Variants in DYNC1I1 observed in about 807,000 individuals in gnomAD.
The protein encoded by DYNC1I1 is dynein cytoplasmic 1 intermediate chain 1.
Under a neutral mutation model 86.6 loss-of-function variants are expected in DYNC1I1, and 43 were observed. That is an observed-to-expected ratio of 0.50 (90% CI 0.39 to 0.64). The LOEUF (loss-of-function observed/expected upper bound fraction) is 0.64. Among genes scored for constraint, DYNC1I1 ranks in the 30% least tolerant of loss-of-function variants. The pLI is 0.00. For missense variants in DYNC1I1, 604 were observed against 788.8 expected (o/e 0.77, Z 2.81); for synonymous variants, 262 against 283.7 (o/e 0.92, Z 0.77).
downstream of DYNC1I1, among the ~76,000 whole-genome samples, chr7:96,102,919 C>T (rs180799021): frequency 6.6e-6 from 1 of 152,228 alleles, no homozygotes; most frequent in Non-Finnish European, 1.5e-5. Context: ...ATCCATACAA[C>T]CAATTATAAG....
chr7:96,026,995 A>G (rs1794698524), intron 10 of DYNC1I1, among the ~76,000 whole-genome samples: 1 of 152,218 alleles, frequency 6.6e-6, no homozygotes, highest in South Asian at 2.1e-4. Context: ...GGCCAAAGGG[A>G]CACGTGGGGA....
chr7:95,979,026 C>T (rs1584220286), intron 7 of DYNC1I1, among the ~76,000 whole-genome samples: 1 of 152,180 alleles, frequency 6.6e-6, no homozygotes, highest in South Asian at 2.1e-4. Flanking sequence ...GAACTCCTGA[C>T]CTCGTGATCC....
chr7:95,901,989 A>G (rs576788570), intron 6 of DYNC1I1, among the ~76,000 whole-genome samples: 3 of 152,358 alleles, frequency 2.0e-5, no homozygotes, highest in East Asian at 3.8e-4. Context: ...GCCAGTGCAT[A>G]AAATGATCCA....
intron 10 of DYNC1I1, among the ~76,000 whole-genome samples, chr7:96,023,886 G>C (rs999772799): frequency 7.9e-5 from 12 of 152,294 alleles, no homozygotes; most frequent in African/African-American, 1.7e-4. Flanking sequence ...GAGATGGCTT[G>C]GTCTTCGAAA....
intron 14 of DYNC1I1, among the ~76,000 whole-genome samples, chr7:96,066,321 ACT>A (rs1789985703): frequency 6.6e-6 from 1 of 152,074 alleles, no homozygotes; most frequent in South Asian, 2.1e-4. Flanking sequence ...ACCACATCAG[ACT>A]CTGGTAACAC....
intron 6 of DYNC1I1, among the ~76,000 whole-genome samples, chr7:95,914,435 T>A (rs999098529): frequency 6.6e-6 from 1 of 152,248 alleles, no homozygotes; most frequent in Non-Finnish European, 1.5e-5. Flanking sequence ...CTTACCCATA[T>A]TGGGTCAGTC....
chr7:95,794,145 CTTCT>C (rs1307866253), intron 1 of DYNC1I1, among the ~76,000 whole-genome samples: 1 of 152,132 alleles, frequency 6.6e-6, no homozygotes, highest in Non-Finnish European at 1.5e-5. Flanking sequence ...CAAGTCCTTA[CTTCT>C]TTCTTCATGT....
At chr7:95,855,540 T>C (rs566152536) in intron 5 of DYNC1I1, among the ~76,000 whole-genome samples, 24 of 152,324 alleles carry the variant, frequency 1.6e-4, no homozygotes, top group African/African-American at 5.5e-4. Flanking sequence ...ATGATGGAGA[T>C]ATGTTCTGAG....
chr7:96,023,532 G>A (rs541137625), intron 10 of DYNC1I1, among the ~76,000 whole-genome samples: 11 of 152,206 alleles, frequency 7.2e-5, no homozygotes, highest in Non-Finnish European at 1.6e-4. Flanking sequence ...AGCCTCCACA[G>A]CCACTTAAAG....
chr7:95,932,656 C>G (rs768314496), intron 6 of DYNC1I1, among the ~76,000 whole-genome samples: 1 of 152,068 alleles, frequency 6.6e-6, no homozygotes, highest in African/African-American at 2.4e-5. Context: ...CAAGTTGAAC[C>G]CTTTCCATTT....
At chr7:95,873,749 A>G (rs1790233401) in intron 6 of DYNC1I1, among the ~76,000 whole-genome samples, 1 of 152,190 alleles carries the variant, frequency 6.6e-6, no homozygotes, top group African/African-American at 2.4e-5. Context: ...GCAAAGAGAA[A>G]GGCTGCAGGT....
intron 14 of DYNC1I1, among the ~76,000 whole-genome samples, chr7:96,071,601 C>G (rs1790162071): frequency 6.6e-6 from 1 of 152,196 alleles, no homozygotes; most frequent in East Asian, 1.9e-4. Context: ...TTTTTCCACT[C>G]TCCACTGCGT....
chr7:96,004,346 A>G (rs1794089232), intron 10 of DYNC1I1, among the ~76,000 whole-genome samples: 2 of 152,166 alleles, frequency 1.3e-5, no homozygotes, highest in Admixed American at 6.5e-5. Flanking sequence ...CTTATATGCT[A>G]CAAATTATTG....
intron 5 of DYNC1I1, among the ~76,000 whole-genome samples, chr7:95,829,497 C>T (rs750118001): frequency 1.6e-4 from 25 of 152,016 alleles, no homozygotes; most frequent in Non-Finnish European, 3.1e-4. Context: ...TTCAGGGGAA[C>T]TTCAGAATGC....
chr7:95,796,556 C>A (rs1206412141), intron 1 of DYNC1I1, among the ~76,000 whole-genome samples: 1 of 152,040 alleles, frequency 6.6e-6, no homozygotes, highest in Non-Finnish European at 1.5e-5. Flanking sequence ...TCAGATCTCC[C>A]AGGTATTTTT....
At chr7:95,833,743 G>C in intron 5 of DYNC1I1, among the ~76,000 whole-genome samples, 1 of 141,032 alleles carries the variant, frequency 7.1e-6, no homozygotes, top group Non-Finnish European at 1.5e-5. Flanking sequence ...TTGTGAATGG[G>C]AGTTCACTCA....
At chr7:95,786,073 C>A (rs1467832277) in intron 1 of DYNC1I1, among the ~76,000 whole-genome samples, 1 of 151,730 alleles carries the variant, frequency 6.6e-6, no homozygotes, top group Non-Finnish European at 1.5e-5. Context: ...GATATTTTTT[C>A]AAGACTCTTA....
chr7:96,076,316 A>T (rs545818592), intron 15 of DYNC1I1, 119 bp downstream of exon 15: 2 of 1,399,168 alleles, frequency 1.4e-6, no homozygotes, highest in Admixed American at 2.5e-5. Flanking sequence ...CAACTGCAGC[A>T]GGGCTGCCGG....
At chr7:95,914,495 G>T (rs1163524186) in intron 6 of DYNC1I1, among the ~76,000 whole-genome samples, 1 of 152,092 alleles carries the variant, frequency 6.6e-6, no homozygotes, top group African/African-American at 2.4e-5. Flanking sequence ...AATAAAATTG[G>T]TAACTGAATA....
Sources: gnomAD v4.1 joint callset for allele counts (sites outside exome capture counted in the v4.1 genomes callset) on GRCh38, gnomAD v4.1.1 for gene constraint, MANE v1.5 for transcripts, NCBI Gene and HGNC (gene_info 2026-07-23, HGNC 2026-07-21) for gene names.